Variants in CAMTA1 observed in about 807,000 individuals in gnomAD.
The protein encoded by CAMTA1 is calmodulin-binding transcription activator 1.
A neutral mutation model predicts 170.9 loss-of-function variants in CAMTA1; 27 were observed. The ratio of observed to expected loss-of-function variants is 0.16; its 90% CI spans 0.12 to 0.22. The LOEUF is 0.22. Among genes scored for constraint, CAMTA1 ranks in the 10% least tolerant of loss-of-function variants. The pLI is 1.00. For missense variants in CAMTA1, 1,619 were observed against 2,217.2 expected (o/e 0.73, Z 5.42); for synonymous variants, 833 against 891.5 (o/e 0.93, Z 1.17).
chr1:7,267,373 G>C (rs756956512), intron 5 of CAMTA1, among the ~76,000 whole-genome samples: 2 of 152,176 alleles, frequency 1.3e-5, no homozygotes, highest in Non-Finnish European at 2.9e-5. Flanking sequence ...GAGTGCCTAG[G>C]TTTTCACTCA....
At chr1:7,413,954 C>T (rs540760708) in intron 5 of CAMTA1, among the ~76,000 whole-genome samples, 10,987 of 152,052 alleles carry the variant, frequency 0.072, 1,049 homozygotes, top group African/African-American at 0.22. Flanking sequence ...TTATTGAGAG[C>T]TTTTAGCATG....
At chr1:7,707,983 G>T (rs915874022) in intron 11 of CAMTA1, among the ~76,000 whole-genome samples, 1 of 152,144 alleles carries the variant, frequency 6.6e-6, no homozygotes, top group Non-Finnish European at 1.5e-5. Context: ...CACCCCACAG[G>T]CAGTACAGCA....
At chr1:6,926,419 TTTTCTCTTTCTTTCTTTTCTCTTTC>T (rs1557837203) in intron 3 of CAMTA1, among the ~76,000 whole-genome samples, 1 of 145,720 alleles carries the variant, frequency 6.9e-6, no homozygotes, top group East Asian at 2.0e-4. Context: ...CTCTCTTTTC[TTTTCTCTTTCTTTCTTTTCTCTTTC>T]TTTCTTTCTT....
intron 6 of CAMTA1, among the ~76,000 whole-genome samples, chr1:7,497,690 C>T (rs1313117615): frequency 1.3e-5 from 2 of 152,216 alleles, no homozygotes; most frequent in Admixed American, 1.3e-4. Context: ...ACTTCCCTGA[C>T]TGGAGAGACA....
chr1:7,733,977 C>G (rs992016871), intron 12 of CAMTA1, among the ~76,000 whole-genome samples: 1 of 152,068 alleles, frequency 6.6e-6, no homozygotes, highest in Non-Finnish European at 1.5e-5. Flanking sequence ...GACACGAAGT[C>G]TTGCTCTGTC....
chr1:7,209,126 C>T (rs1025810355), intron 4 of CAMTA1, among the ~76,000 whole-genome samples: 7 of 152,052 alleles, frequency 4.6e-5, no homozygotes, highest in Non-Finnish European at 1.0e-4. Context: ...GGGTAATTAC[C>T]CTTGTCCTTA....
At chr1:7,457,426 G>C (rs2149490442) in intron 5 of CAMTA1, among the ~76,000 whole-genome samples, 1 of 152,186 alleles carries the variant, frequency 6.6e-6, no homozygotes, top group Non-Finnish European at 1.5e-5. Flanking sequence ...TCAGGTGAGG[G>C]GAGGTGGGTG....
rs561543844 is a variant in CAMTA1 at position 7,198,450 on chromosome 1, C to G, written c.303-51041C>G. On this transcript the variant is annotated intron_variant, in intron 4 of 22. Coordinates refer to ENST00000303635, the MANE Select transcript of CAMTA1 (RefSeq NM_015215.4). ...TGACCTGTGTGTGCCCCTGATGACT[C>G]CTGTGGACCGTGTTTGCTGCTGCAC... Among the ~76,000 whole-genome samples, 6 of 152,166 alleles carry G rather than the reference C, an allele frequency of 3.9e-5. No individual in the cohort carries two copies. The South Asian group carries it at 1.2e-3, about 32-fold the overall frequency.
At chr1:7,367,465 G>T (rs1206562537) in intron 5 of CAMTA1, among the ~76,000 whole-genome samples, 2 of 152,252 alleles carry the variant, frequency 1.3e-5, no homozygotes, top group African/African-American at 4.8e-5. Context: ...GGTGAGGCCG[G>T]CTCAGCAGGT....
chr1:7,174,149 A>G (rs1364553110), intron 4 of CAMTA1, among the ~76,000 whole-genome samples: 2 of 152,194 alleles, frequency 1.3e-5, no homozygotes, highest in East Asian at 3.8e-4. Context: ...TCTGGGCCTT[A>G]TATCCCCTGA....
At chr1:7,627,559 T>C (rs1228440471) in intron 6 of CAMTA1, among the ~76,000 whole-genome samples, 1 of 152,158 alleles carries the variant, frequency 6.6e-6, no homozygotes, top group Admixed American at 6.6e-5. Context: ...TTCTCTCCAT[T>C]GTATGGATGA....
At chr1:7,328,503 A>G (rs2082830805) in intron 5 of CAMTA1, among the ~76,000 whole-genome samples, 1 of 152,136 alleles carries the variant, frequency 6.6e-6, no homozygotes, top group Non-Finnish European at 1.5e-5. Context: ...TCAATAAATA[A>G]ATAAATAATA....
intron 3 of CAMTA1, among the ~76,000 whole-genome samples, chr1:6,882,910 G>A (rs1410293831): frequency 6.6e-6 from 1 of 152,084 alleles, no homozygotes; most frequent in Admixed American, 6.5e-5. Context: ...TCCTGGAAGT[G>A]CATGTTTCTC....
chr1:6,901,384 C>T (rs1366222450), intron 3 of CAMTA1, among the ~76,000 whole-genome samples: 1 of 152,174 alleles, frequency 6.6e-6, no homozygotes, highest in Non-Finnish European at 1.5e-5. Flanking sequence ...AAACATCAGA[C>T]TTCCTAGAAA....
intron 3 of CAMTA1, among the ~76,000 whole-genome samples, chr1:7,033,534 C>T (rs1429076482): frequency 2.0e-5 from 3 of 149,050 alleles, no homozygotes; most frequent in Non-Finnish European, 4.5e-5. Flanking sequence ...TGATTCCAGA[C>T]ATTATGAATT....
Position 7,634,345 on chromosome 1 carries a change from T to TTCCAGA in CAMTA1, c.511-6054_511-6049dup, listed in dbSNP as rs1368551169. ...GGAAAATGAGAGGATGACTCCTGGG[T>TTCCAGA]TCCAGACCTGGGCAGCTGTGGGAAG... On this transcript the variant is annotated intron_variant, in intron 6 of 22. Transcript: ENST00000303635. The surrounding 1 kb of genome is among the most constrained non-coding windows in gnomAD (Gnocchi z 6.2). 6.6e-6 allele frequency among the ~76,000 whole-genome samples: 1 copy of TTCCAGA among 151,970 alleles called. No homozygotes were observed. Among genetic ancestry groups the TTCCAGA allele is most frequent in the East Asian group, 1.9e-4 (1 of 5,174 alleles).
intron 3 of CAMTA1, among the ~76,000 whole-genome samples, chr1:7,058,541 C>T (rs1422986771): frequency 1.3e-5 from 2 of 151,974 alleles, no homozygotes; most frequent in African/African-American, 4.8e-5. Context: ...CAGTAGATGT[C>T]CATGGAATGA....
At position 7,585,457 on chromosome 1, in the gene CAMTA1, G is replaced by A. The variant is rs1042421315; in HGVS notation, c.511-54943G>A. On this transcript the variant is annotated intron_variant, in intron 6 of 22. Coordinates refer to ENST00000303635, the MANE Select transcript of CAMTA1 (RefSeq NM_015215.4). This position sits in a 1 kb window ranked among gnomAD's most constrained non-coding sequence, Gnocchi z 4.8. The stretch of plus-strand genomic sequence containing the variant: ...GCTTGAAGTCTCTGAAAAACAGCCA[G>A]GAGCCCAGCCTACTCCAGTGGGTTC... Among the ~76,000 whole-genome samples, 1 of 152,194 alleles carries A rather than the reference G, an allele frequency of 6.6e-6. No homozygotes were observed. The highest frequency in any genetic ancestry group is 6.5e-5 in the Admixed American group (1 of 15,282).
intron 4 of CAMTA1, among the ~76,000 whole-genome samples, chr1:7,123,059 C>T (rs115093263): frequency 0.016 from 2,437 of 152,302 alleles, 42 homozygotes; most frequent in Middle Eastern, 0.031. Context: ...CGTGGGGCTC[C>T]GGGCCATCTT....
Sources: allele counts gnomAD v4.1 joint callset (sites outside exome capture counted in the v4.1 genomes callset), GRCh38; gene constraint gnomAD v4.1.1; non-coding constraint Gnocchi (gnomAD v3.1); transcripts MANE v1.5; gene names NCBI Gene and HGNC (gene_info 2026-07-23, HGNC 2026-07-21).